Variants in FUT9 observed in about 807,000 individuals in gnomAD.
FUT9 encodes 4-galactosyl-N-acetylglucosaminide 3-alpha-L-fucosyltransferase 9.
A neutral mutation model predicts 29.7 loss-of-function variants in FUT9; 15 were observed. That is an observed-to-expected ratio of 0.51 (90% CI 0.34 to 0.78). The LOEUF is 0.78. Ranked by LOEUF, FUT9 falls within the 30% of genes least tolerant of loss-of-function variation. The probability of loss-of-function intolerance (pLI) is 0.01; values close to 1 mark genes in which losing one functional copy is unlikely to be tolerated. For synonymous variants in FUT9, 169 were observed against 153.7 expected, an observed-to-expected ratio of 1.10 and a Z score of -0.74; for missense variants, 319 against 425.4, an observed-to-expected ratio of 0.75 and a Z score of 2.20.
intron 1 of FUT9, among the ~76,000 whole-genome samples, chr6:96,039,034 G>A (rs890789357): frequency 6.6e-6 from 1 of 152,070 alleles, no homozygotes; most frequent in African/African-American, 2.4e-5. Flanking sequence ...AGCACTTAAT[G>A]TATTATTCTG....
At chr6:96,127,373 T>C (rs1772152723) in intron 2 of FUT9, among the ~76,000 whole-genome samples, 1 of 152,234 alleles carries the variant, frequency 6.6e-6, no homozygotes, top group Admixed American at 6.5e-5. Context: ...TGTAATCTCA[T>C]TCTTTTTTAT....
chr6:96,051,919 G>A (rs1770677826), intron 1 of FUT9, among the ~76,000 whole-genome samples: 1 of 152,072 alleles, frequency 6.6e-6, no homozygotes, highest in Non-Finnish European at 1.5e-5. Flanking sequence ...AGGACTGCTG[G>A]TTTTCCACAA....
At chr6:96,148,684 G>C (rs1301607942) in intron 2 of FUT9, among the ~76,000 whole-genome samples, 1 of 152,042 alleles carries the variant, frequency 6.6e-6, no homozygotes, top group African/African-American at 2.4e-5. Context: ...TTTGTAATAG[G>C]GTTGAAAAGA....
At chr6:96,131,641 A>G (rs1772246526) in intron 2 of FUT9, among the ~76,000 whole-genome samples, 2 of 152,154 alleles carry the variant, frequency 1.3e-5, no homozygotes, top group African/African-American at 4.8e-5. Context: ...AGAATGCTTT[A>G]GGGAATCCCA....
chr6:96,170,229 A>G (rs1233569185), intron 2 of FUT9, among the ~76,000 whole-genome samples: 1 of 152,134 alleles, frequency 6.6e-6, no homozygotes, highest in Non-Finnish European at 1.5e-5. Context: ...CAACCCAAAT[A>G]TCATGAGGTT....
chr6:96,133,760 A>G (rs963414782), intron 2 of FUT9, among the ~76,000 whole-genome samples: 4 of 151,894 alleles, frequency 2.6e-5, no homozygotes, highest in South Asian at 2.1e-4. Context: ...TTTGTTTTGC[A>G]TGTTTGTATA....
chr6:96,156,636 G>A (rs6930434), intron 2 of FUT9, among the ~76,000 whole-genome samples: 24,111 of 152,122 alleles, frequency 0.16, 2,128 homozygotes, highest in African/African-American at 0.19. Flanking sequence ...AGGCAAGCCT[G>A]CTGTACAAGT....
rs1773859021 is a variant in FUT9 at position 96,207,710 on chromosome 6, A to G, written c.*3475A>G. The G allele has an allele frequency of 6.0e-6, 1 of 166,990 alleles. No homozygotes were observed. The highest frequency in any genetic ancestry group is 2.1e-4 in the South Asian group (1 of 4,824). The allele number at this position is 166,990 out of a possible 1,614,324, so 10.3% of individuals were successfully genotyped here. On this transcript the variant is annotated 3_prime_UTR_variant, in exon 3 of 3. Coordinates refer to ENST00000302103, the MANE Select transcript of FUT9 (RefSeq NM_006581.4). Reference sequence around the variant, plus strand: ...AATTATGCCTAGAATTAAATTGTGGACACAAAAAAGGGAACAGACCATTTA... The same window carrying G: ...AATTATGCCTAGAATTAAATTGTGGGCACAAAAAAGGGAACAGACCATTTA...
intron 1 of FUT9, among the ~76,000 whole-genome samples, chr6:96,016,599 ATCTCGCGCTGACAAAGCCT>A (rs1175700701): frequency 6.6e-6 from 1 of 151,872 alleles, no homozygotes; most frequent in African/African-American, 2.4e-5. Context: ...CCTTCACCCG[ATCTCGCGCTGACAAAGCCT>A]TCTCCACAAA....
intron 1 of FUT9, among the ~76,000 whole-genome samples, chr6:96,096,721 A>G (rs1472540341): frequency 2.0e-5 from 1 of 50,906 alleles, no homozygotes; most frequent in Non-Finnish European, 3.8e-5. Context: ...ATTCTTTCAG[A>G]TCTTTACTTA....
chr6:96,057,712 T>A (rs904827903), intron 1 of FUT9, among the ~76,000 whole-genome samples: 1 of 152,156 alleles, frequency 6.6e-6, no homozygotes, highest in Non-Finnish European at 1.5e-5. Flanking sequence ...CGAAGAGCAA[T>A]CTTATATGCA....
intron 2 of FUT9, among the ~76,000 whole-genome samples, chr6:96,172,820 T>G (rs999503812): frequency 1.1e-4 from 2 of 17,544 alleles, no homozygotes; most frequent in South Asian, 0.062. Context: ...AATAAAGAGA[T>G]AGGTTCTCAA....
chr6:96,042,400 A>G (rs972392026), intron 1 of FUT9, among the ~76,000 whole-genome samples: 2 of 152,220 alleles, frequency 1.3e-5, no homozygotes, highest in African/African-American at 4.8e-5. Flanking sequence ...TTATTATTAA[A>G]AATTTAAAAC....
At chr6:96,043,587 G>A (rs1333411633) in intron 1 of FUT9, among the ~76,000 whole-genome samples, 4 of 152,126 alleles carry the variant, frequency 2.6e-5, no homozygotes, top group African/African-American at 7.2e-5. Flanking sequence ...ACATTATTAA[G>A]TGTCTTACAC....
intron 1 of FUT9, among the ~76,000 whole-genome samples, chr6:96,074,615 G>A (rs1771113651): frequency 6.6e-6 from 1 of 151,818 alleles, no homozygotes; most frequent in Non-Finnish European, 1.5e-5. Context: ...TTGAACATTA[G>A]GTTCAAAAAT....
intron 1 of FUT9, among the ~76,000 whole-genome samples, chr6:96,055,499 T>C (rs1770746050): frequency 6.6e-6 from 1 of 152,092 alleles, no homozygotes; most frequent in South Asian, 2.1e-4. Context: ...TGGTAATTTA[T>C]TTAGATTTTA....
intron 1 of FUT9, among the ~76,000 whole-genome samples, chr6:96,047,878 G>T (rs1156477006): frequency 6.6e-6 from 1 of 152,120 alleles, no homozygotes; most frequent in African/African-American, 2.4e-5. Flanking sequence ...CAGAAACTTG[G>T]TAGCTTAAAG....
chr6:96,181,763 CCTTTTTAGGG>C (rs1454178156), intron 2 of FUT9, among the ~76,000 whole-genome samples: 1 of 151,964 alleles, frequency 6.6e-6, no homozygotes, highest in Non-Finnish European at 1.5e-5. Flanking sequence ...TTATTTTATT[CCTTTTTAGGG>C]CTGAGTAGTA....
At chr6:96,023,653 G>A (rs1582176337) in intron 1 of FUT9, among the ~76,000 whole-genome samples, 1 of 151,884 alleles carries the variant, frequency 6.6e-6, no homozygotes, top group African/African-American at 2.4e-5. Context: ...TTTAATCTGT[G>A]CAATGGATTC....
Sources: gnomAD v4.1 joint callset for allele counts (sites outside exome capture counted in the v4.1 genomes callset) on GRCh38, gnomAD v4.1.1 for gene constraint, MANE v1.5 for transcripts, NCBI Gene and HGNC (gene_info 2026-07-23, HGNC 2026-07-21) for gene names.